PLXNA4: variants seen among roughly 807,000 people sequenced by gnomAD.
PLXNA4 encodes plexin A4, also known as plexin-A4.
In PLXNA4, 44 loss-of-function variants were observed where a neutral mutation model predicts 191.8. That is an observed-to-expected ratio of 0.23 (90% CI 0.18 to 0.29). PLXNA4 has a LOEUF of 0.29. Ranked by LOEUF, PLXNA4 falls within the 10% of genes least tolerant of loss-of-function variation. The pLI is 1.00. For missense variants in PLXNA4, 1,800 were observed against 2,488.8 expected, an observed-to-expected ratio of 0.72 and a Z score of 5.89; for synonymous variants, 1,082 against 1,009.5, an observed-to-expected ratio of 1.07 and a Z score of -1.36.
intron 1 of PLXNA4, among the ~76,000 whole-genome samples, chr7:132,514,667 A>T (rs1278872427): frequency 6.6e-6 from 1 of 152,192 alleles, no homozygotes; most frequent in Non-Finnish European, 1.5e-5. Flanking sequence ...CTCCACCAGC[A>T]GATGGCCTTT....
intron 3 of PLXNA4, among the ~76,000 whole-genome samples, chr7:132,310,638 C>T (rs1801691674): frequency 1.3e-5 from 2 of 152,182 alleles, no homozygotes; most frequent in South Asian, 2.1e-4. Context: ...CTGCAGGAAG[C>T]CCCGTGGGTC....
intron 3 of PLXNA4, among the ~76,000 whole-genome samples, chr7:132,312,422 T>C (rs959557981): frequency 6.6e-5 from 10 of 152,156 alleles, no homozygotes; most frequent in African/African-American, 2.2e-4. Flanking sequence ...TCTCCCCATG[T>C]TTCAGATGTG....
At chr7:132,132,313 G>A (rs561071900) in intron 31 of PLXNA4, among the ~76,000 whole-genome samples, 6 of 152,212 alleles carry the variant, frequency 3.9e-5, no homozygotes, top group Non-Finnish European at 8.8e-5. Flanking sequence ...AGAAGGCCTT[G>A]TATATAGTGG....
At chr7:132,501,869 G>A (rs1798270300) in intron 2 of PLXNA4, among the ~76,000 whole-genome samples, 1 of 152,236 alleles carries the variant, frequency 6.6e-6, no homozygotes, top group South Asian at 2.1e-4. Flanking sequence ...GCATTTATTG[G>A]GACATGAGTG....
At chr7:132,307,196 A>G (rs1801557587) in intron 3 of PLXNA4, among the ~76,000 whole-genome samples, 1 of 152,142 alleles carries the variant, frequency 6.6e-6, no homozygotes, top group East Asian at 1.9e-4. Context: ...CTGCACTCAT[A>G]GAAGCACCTC....
chr7:132,634,919 T>A (rs1803566429), intron 2 of PLXNA4, among the ~76,000 whole-genome samples: 1 of 152,138 alleles, frequency 6.6e-6, no homozygotes, highest in Non-Finnish European at 1.5e-5. Context: ...ACCCTTAATC[T>A]GGGTGTGCAC....
intron 27 of PLXNA4, 115 bp from the exon 28 acceptor site, chr7:132,146,815 A>G (rs1795449880): frequency 6.5e-7 from 1 of 1,531,920 alleles, no homozygotes; most frequent in Non-Finnish European, 8.8e-7. Flanking sequence ...CATTCCTGCC[A>G]TTGGTCGGTG....
chr7:132,281,272 C>T (rs1027226743), intron 4 of PLXNA4, among the ~76,000 whole-genome samples: 7 of 151,978 alleles, frequency 4.6e-5, no homozygotes, highest in Non-Finnish European at 1.0e-4. Flanking sequence ...CAAAAAAGTG[C>T]ATTGTTGGCT....
At chr7:132,385,408 A>T in intron 3 of PLXNA4, 1 of 1,342,260 alleles carries the variant, frequency 7.5e-7, no homozygotes, top group Non-Finnish European at 9.8e-7. Flanking sequence ...TACAGTTCTG[A>T]AATACAGTAA....
At chr7:132,481,166 C>G (rs2117477329) in intron 3 of PLXNA4, among the ~76,000 whole-genome samples, 1 of 152,164 alleles carries the variant, frequency 6.6e-6, no homozygotes, top group Non-Finnish European at 1.5e-5. Context: ...CTAAAGTGCT[C>G]CCCTCTTTAA....
intron 1 of PLXNA4, among the ~76,000 whole-genome samples, chr7:132,554,296 T>C (rs1321747481): frequency 6.6e-6 from 1 of 152,052 alleles, no homozygotes; most frequent in African/African-American, 2.4e-5. Context: ...CCTTTTCCTT[T>C]AGGGGACAGA....
intron 14 of PLXNA4, among the ~76,000 whole-genome samples, chr7:132,189,727 CTG>C (rs1797029001): frequency 6.6e-6 from 1 of 152,098 alleles, no homozygotes; most frequent in African/African-American, 2.4e-5. Context: ...CTCGGAGACT[CTG>C]GAAAGTGTGA....
chr7:132,348,666 T>C (rs1255239274), intron 3 of PLXNA4, among the ~76,000 whole-genome samples: 6 of 152,146 alleles, frequency 3.9e-5, no homozygotes, highest in African/African-American at 1.2e-4. Context: ...TGGTAATCAA[T>C]AGGAAGCAAA....
intron 3 of PLXNA4, among the ~76,000 whole-genome samples, chr7:132,444,221 C>T (rs1795805532): frequency 6.6e-6 from 1 of 152,214 alleles, no homozygotes; most frequent in Non-Finnish European, 1.5e-5. Context: ...TTAATGATGC[C>T]CTTTGGCTCA....
intron 2 of PLXNA4, among the ~76,000 whole-genome samples, chr7:132,504,580 G>A (rs1287496175): frequency 6.6e-6 from 1 of 152,200 alleles, no homozygotes; most frequent in African/African-American, 2.4e-5. Flanking sequence ...AGCTTTTAGA[G>A]TTGTAACTAT....
intron 3 of PLXNA4, among the ~76,000 whole-genome samples, chr7:132,325,047 C>T (rs558339898): frequency 2.0e-4 from 30 of 152,274 alleles, no homozygotes; most frequent in South Asian, 1.7e-3. Context: ...ACTCCTGTAA[C>T]GCATCAGACA....
chr7:132,531,271 C>T (rs1799607119), intron 1 of PLXNA4, among the ~76,000 whole-genome samples: 1 of 152,188 alleles, frequency 6.6e-6, no homozygotes. Context: ...AATACAGACA[C>T]ACTGTAGTCC....
In PLXNA4 at chr7:132,448,510, G is replaced by A. The variant is rs186896761; in HGVS notation, c.1371+40782C>T. ...TGTGGTCAACATAGAAAGAGGGAGAGGCATAGAAAGGGTGGGGTGAGGAGG... is the reference window on the plus strand; with the variant it reads ...TGTGGTCAACATAGAAAGAGGGAGAAGCATAGAAAGGGTGGGGTGAGGAGG... On this transcript the variant is annotated intron_variant, in intron 3 of 31. Transcript: ENST00000321063. 1.8e-4 allele frequency among the ~76,000 whole-genome samples: 28 copies of A among 152,196 alleles called. 1 individual carries two copies. Among genetic ancestry groups the A allele is most frequent in the African/African-American group, 6.7e-4 (28 of 41,532 alleles).
intron 2 of PLXNA4, among the ~76,000 whole-genome samples, chr7:132,490,980 T>C (rs1797773337): frequency 6.6e-6 from 1 of 151,996 alleles, no homozygotes; most frequent in Admixed American, 6.6e-5. Context: ...GTGAAGACCC[T>C]GGTAGTAGCT....
Sources: allele counts gnomAD v4.1 joint callset (sites outside exome capture counted in the v4.1 genomes callset), GRCh38; gene constraint gnomAD v4.1.1; transcripts MANE v1.5; gene names NCBI Gene and HGNC (gene_info 2026-07-23, HGNC 2026-07-21).